USP47: variants seen among roughly 807,000 people sequenced by gnomAD.
The protein encoded by USP47 is ubiquitin specific peptidase 47.
A neutral mutation model predicts 165.1 loss-of-function variants in USP47; 35 were observed. The ratio of observed to expected loss-of-function variants is 0.21; its 90% CI spans 0.16 to 0.28. The LOEUF is 0.28. Ranked by LOEUF, USP47 falls within the 10% of genes least tolerant of loss-of-function variation. USP47 has a pLI of 1.00. For synonymous variants in USP47, 531 were observed against 544.5 expected, an observed-to-expected ratio of 0.98 and a Z score of 0.35; for missense variants, 1,277 against 1,607.4, an observed-to-expected ratio of 0.79 and a Z score of 3.52.
In USP47 at chr11:11,930,118, A is replaced by G. The variant is rs909324211; in HGVS notation, c.1593A>G (p.Ala531=). The G allele has an allele frequency of 6.2e-6, 10 of 1,611,046 alleles. No individual in the cohort carries two copies. In the African/African-American group the frequency reaches 9.4e-5, roughly 15 times the overall value. Residue 531 remains alanine, a splice_region_variant and synonymous_variant, in exon 13 of 28, where the codon GCA becomes GCG. Coordinates refer to ENST00000527733, the MANE Select transcript of USP47 (RefSeq NM_001282659.2). ...GSRGYYSSAF[A]SSTNAYMLIY... is the part of the protein sequence containing the mutation. ...GAGGATATTATTCTAGTGCTTTCGC[A>G]AGGTAAGCAATTTCCTAATTTTCAG...
At chr11:11,938,968 A>G (rs558343103) in intron 18 of USP47, among the ~76,000 whole-genome samples, 5 of 152,080 alleles carry the variant, frequency 3.3e-5, no homozygotes, top group Admixed American at 3.3e-4. Context: ...TAACCAGAAA[A>G]GTAGGGATAC....
At chr11:11,930,867 C>A in intron 14 of USP47, 116 bp downstream of exon 14, 1 of 711,496 alleles carries the variant, frequency 1.4e-6, no homozygotes, top group Non-Finnish European at 2.2e-6. Context: ...TGTTTTATGC[C>A]TGGAAGAATT....
At position 11,892,045 on chromosome 11, in the gene USP47, T is replaced by C; in HGVS notation, c.435T>C (p.Ser145=). The change falls in exon 4 of 28, where the codon TCT becomes TCC. Residue 145 remains serine (S), a synonymous_variant. Transcript: ENST00000527733. ...TTCCAAGAGAAGGTTCTGGGGGTTC[T>C]ACCAGTGATTATGTCAGCCAAAGCT... is the stretch of plus-strand genomic sequence containing the variant. ...GPLPREGSGG[S]TSDYVSQSYS... 1 of 1,613,974 alleles carries C rather than the reference T, an allele frequency of 6.2e-7. No individual in the cohort carries two copies. Among genetic ancestry groups the C allele is most frequent in the Non-Finnish European group, 8.5e-7 (1 of 1,179,896 alleles).
rs888537971 is a variant in USP47, at chr11:11,942,523, T to C, written c.2502T>C (p.Asp834=). Residue 834 remains aspartate (D), a synonymous_variant, in exon 20 of 28, where the codon GAT becomes GAC. Transcript: ENST00000527733. ...GAGGCGATTCTGGTAATGTGGATGATGACTGTGAAAGAGTCAAAGGACCTG... is the reference window on the plus strand; with the variant it reads ...GAGGCGATTCTGGTAATGTGGATGACGACTGTGAAAGAGTCAAAGGACCTG... ...KAGGDSGNVD[D]DCERVKGPVG... is the part of the protein sequence containing the mutation. 1.8e-5 allele frequency: 29 copies of C among 1,613,508 alleles called. No individual in the cohort carries two copies. Among genetic ancestry groups the C allele is most frequent in the Non-Finnish European group, 2.3e-5 (27 of 1,179,774 alleles).
intron 1 of USP47, among the ~76,000 whole-genome samples, chr11:11,851,130 A>T (rs1436952119): frequency 6.6e-6 from 1 of 152,198 alleles, no homozygotes; most frequent in African/African-American, 2.4e-5. Context: ...TTCCCAGACA[A>T]AATTTCTCAT....
chr11:11,899,831 G>A (rs923100374), intron 5 of USP47, among the ~76,000 whole-genome samples: 1 of 152,132 alleles, frequency 6.6e-6, no homozygotes, highest in African/African-American at 2.4e-5. Flanking sequence ...TATAGCAGGT[G>A]GGGAAACAAA....
chr11:11,941,493 GATTT>G (rs750195490), intron 19 of USP47, among the ~76,000 whole-genome samples: 1 of 151,904 alleles, frequency 6.6e-6, no homozygotes, highest in Non-Finnish European at 1.5e-5. Context: ...TTTAAAAAAA[GATTT>G]ATTATGGAAA....
intron 8 of USP47, among the ~76,000 whole-genome samples, chr11:11,918,749 A>C (rs775363943): frequency 1.3e-5 from 2 of 151,938 alleles, no homozygotes; most frequent in Non-Finnish European, 2.9e-5. Context: ...ATACACACAC[A>C]CCAAAGTAGA....
intron 20 of USP47, among the ~76,000 whole-genome samples, chr11:11,944,880 TTGAC>T (rs552424424): frequency 6.5e-4 from 99 of 152,316 alleles, no homozygotes; most frequent in Non-Finnish European, 1.1e-3. Flanking sequence ...TGCTAAAAAT[TTGAC>T]TGGATGATAG....
At chr11:11,842,522 GT>G (rs1179750654) in intron 1 of USP47, among the ~76,000 whole-genome samples, 1 of 152,218 alleles carries the variant, frequency 6.6e-6, no homozygotes, top group Non-Finnish European at 1.5e-5. Context: ...TTAAGTTCTT[GT>G]TTAACGTGTG....
chr11:11,886,218 C>T (rs1851154245), intron 3 of USP47, among the ~76,000 whole-genome samples: 1 of 152,082 alleles, frequency 6.6e-6, no homozygotes, highest in South Asian at 2.1e-4. Flanking sequence ...GCCTCTCCAG[C>T]AAGGGCACAG....
At chr11:11,939,595 T>C (rs1855325008) in intron 18 of USP47, among the ~76,000 whole-genome samples, 1 of 152,020 alleles carries the variant, frequency 6.6e-6, no homozygotes, top group African/African-American at 2.4e-5. Context: ...GCATACTATG[T>C]TGGTATAATA....
At chr11:11,900,523 C>T (rs911535981) in intron 5 of USP47, among the ~76,000 whole-genome samples, 1 of 152,042 alleles carries the variant, frequency 6.6e-6, no homozygotes, top group Non-Finnish European at 1.5e-5. Flanking sequence ...GAGTCATATA[C>T]GTGATGGGTT....
At chr11:11,863,803 G>T (rs1470084681) in intron 1 of USP47, among the ~76,000 whole-genome samples, 1 of 152,022 alleles carries the variant, frequency 6.6e-6, no homozygotes, top group Non-Finnish European at 1.5e-5. Context: ...GCCAGTGCGA[G>T]CCCTTTCACC....
At chr11:11,928,117 C>A (rs1854386754) in intron 11 of USP47, among the ~76,000 whole-genome samples, 1 of 151,844 alleles carries the variant, frequency 6.6e-6, no homozygotes, top group African/African-American at 2.4e-5. Flanking sequence ...GGTTGGCAGA[C>A]TTTTTCTGTG....
intron 11 of USP47, among the ~76,000 whole-genome samples, chr11:11,927,517 C>CA (rs1453043907): frequency 2.0e-5 from 3 of 152,116 alleles, no homozygotes; most frequent in Non-Finnish European, 4.4e-5. Flanking sequence ...CTAAAATACT[C>CA]ACTCTTTGAC....
intron 1 of USP47, among the ~76,000 whole-genome samples, chr11:11,874,564 T>G (rs1412918884): frequency 6.7e-6 from 1 of 148,348 alleles, no homozygotes; most frequent in Non-Finnish European, 1.5e-5. Flanking sequence ...AGCTGATACT[T>G]TTTTTTTTTT....
intron 8 of USP47, among the ~76,000 whole-genome samples, chr11:11,913,866 C>T (rs540397986): frequency 6.6e-6 from 1 of 152,018 alleles, no homozygotes; most frequent in Admixed American, 6.5e-5. Context: ...ATCACATGTA[C>T]TTCATAAATA....
chr11:11,908,289 T>C (rs1415565922), intron 8 of USP47, among the ~76,000 whole-genome samples: 1 of 152,034 alleles, frequency 6.6e-6, no homozygotes, highest in East Asian at 1.9e-4. Context: ...CTCTCTCTTT[T>C]AAAAAATTTA....
Sources: gnomAD v4.1 joint callset for allele counts (sites outside exome capture counted in the v4.1 genomes callset) on GRCh38, gnomAD v4.1.1 for gene constraint, MANE v1.5 for transcripts, NCBI Gene and HGNC (gene_info 2026-07-23, HGNC 2026-07-21) for gene names.